The following SCD5 variants were observed in gnomAD, a reference collection of about 807,000 sequenced individuals.
SCD5 encodes the protein acyl-CoA-desaturase 4.
Under a neutral mutation model 30.4 loss-of-function variants are expected in SCD5, and 20 were observed. The ratio of observed to expected loss-of-function variants is 0.66; its 90% confidence interval spans 0.46 to 0.96. The LOEUF (loss-of-function observed/expected upper bound fraction) is 0.96, where lower values mean the gene tolerates loss of function less well. Ranked by LOEUF, SCD5 falls within the 40% of genes least tolerant of loss-of-function variation. The pLI is 0.00. For synonymous variants in SCD5, 173 were observed against 176.4 expected (o/e 0.98, Z 0.16); for missense variants, 381 against 443.3 (o/e 0.86, Z 1.26).
chr4:82,665,038 A>ACG (rs1358154697), intron 3 of SCD5, among the ~76,000 whole-genome samples: 1 of 15,098 alleles, frequency 6.6e-5, no homozygotes, highest in Non-Finnish European at 1.0e-4. Context: ...ACACACACAC[A>ACG]CACACACATA....
chr4:82,644,542 G>A (rs1408630460), intron 3 of SCD5, among the ~76,000 whole-genome samples: 1 of 152,166 alleles, frequency 6.6e-6, no homozygotes, highest in East Asian at 1.9e-4. Context: ...TGATATTTTG[G>A]TTAATAAATG....
At chr4:82,777,957 G>A (rs1055589240) in intron 1 of SCD5, among the ~76,000 whole-genome samples, 9 of 138,932 alleles carry the variant, frequency 6.5e-5, no homozygotes, top group African/African-American at 1.1e-4. Flanking sequence ...GCAAAGTCAT[G>A]GAACCAACCC....
At chr4:82,781,953 T>C (rs1721884362) in intron 1 of SCD5, among the ~76,000 whole-genome samples, 1 of 152,080 alleles carries the variant, frequency 6.6e-6, no homozygotes, top group Admixed American at 6.6e-5. Context: ...ATCACCTATG[T>C]CATGTGGCCA....
chr4:82,635,619 T>TAAA (rs3972726), intron 4 of SCD5, among the ~76,000 whole-genome samples: 4,665 of 114,396 alleles, frequency 0.041, 397 homozygotes, highest in African/African-American at 0.13. Context: ...GACTCCGTCT[T>TAAA]AAAAAAAAAA....
At chr4:82,777,793 G>C (rs976006944) in intron 1 of SCD5, among the ~76,000 whole-genome samples, 1 of 151,966 alleles carries the variant, frequency 6.6e-6, no homozygotes, top group Non-Finnish European at 1.5e-5. Context: ...ATGTTTTCTC[G>C]GCCAGTGTTT....
At chr4:82,797,155 C>A (rs1722242408) in intron 1 of SCD5, among the ~76,000 whole-genome samples, 1 of 152,198 alleles carries the variant, frequency 6.6e-6, no homozygotes, top group African/African-American at 2.4e-5. Context: ...TAGGCATTTG[C>A]AGCTGGCACC....
chr4:82,693,486 TC>T (rs1189258836), intron 2 of SCD5, among the ~76,000 whole-genome samples: 2 of 152,198 alleles, frequency 1.3e-5, no homozygotes, highest in Non-Finnish European at 2.9e-5. Flanking sequence ...GAACTGGTCT[TC>T]CTGATTCAAT....
In SCD5 at chr4:82,680,741, G is replaced by C. The variant is rs1268914775; in HGVS notation, c.535C>G (p.Leu179Val). 2 of 1,613,978 alleles carry C rather than the reference G, an allele frequency of 1.2e-6. No individual in the cohort carries two copies. The highest frequency in any genetic ancestry group is 1.3e-5 in the African/African-American group (1 of 74,878). Residue 179 changes from leucine to valine, a missense_variant, in exon 3 of 5, where the codon CTG becomes GTG. Leu to Val is a conservative substitution (Grantham distance 32). Coordinates refer to ENST00000319540, the MANE Select transcript of SCD5 (RefSeq NM_001037582.3). Reference sequence around the variant, plus strand: ...ATCCGGACCACAGGATCAGCAAGCAGGTCAGTGACGTCAAGCTTTCTCCCC... The same window carrying C: ...ATCCGGACCACAGGATCAGCAAGCACGTCAGTGACGTCAAGCTTTCTCCCC... ...EKGRKLDVTD[L>V]LADPVVRIQR...
intron 1 of SCD5, among the ~76,000 whole-genome samples, chr4:82,760,785 G>C (rs13126374): frequency 0.11 from 17,173 of 152,094 alleles, 1,079 homozygotes; most frequent in African/African-American, 0.16. Context: ...TGGGGCATAC[G>C]CCACCTTGTA....
intron 1 of SCD5, among the ~76,000 whole-genome samples, chr4:82,777,323 C>T (rs748820031): frequency 2.6e-5 from 4 of 152,240 alleles, no homozygotes; most frequent in African/African-American, 9.6e-5. Context: ...TGTGTTTTCT[C>T]GCCAAGAATT....
intron 1 of SCD5, among the ~76,000 whole-genome samples, chr4:82,790,365 C>G (rs983322167): frequency 6.6e-6 from 1 of 152,212 alleles, no homozygotes; most frequent in African/African-American, 2.4e-5. Context: ...ACCTCCAGCA[C>G]GTCTCCCTCT....
chr4:82,741,858 G>GT (rs1298599384), intron 1 of SCD5, among the ~76,000 whole-genome samples: 1 of 145,458 alleles, frequency 6.9e-6, no homozygotes, highest in African/African-American at 2.5e-5. Context: ...GTGGGCGGGG[G>GT]GGGGGAGTGG....
At chr4:82,771,156 A>C (rs1240735909) in intron 1 of SCD5, among the ~76,000 whole-genome samples, 2 of 151,884 alleles carry the variant, frequency 1.3e-5, no homozygotes, top group Admixed American at 1.3e-4. Context: ...TTTTGTAGAG[A>C]CTAGGTTTTG....
intron 1 of SCD5, among the ~76,000 whole-genome samples, chr4:82,729,555 A>C (rs1422352292): frequency 6.6e-6 from 1 of 152,132 alleles, no homozygotes; most frequent in Non-Finnish European, 1.5e-5. Flanking sequence ...AATAGTAAAT[A>C]TTTTTTGAAT....
At chr4:82,681,383 A>ACTG (rs1372047201) in intron 2 of SCD5, among the ~76,000 whole-genome samples, 2 of 152,216 alleles carry the variant, frequency 1.3e-5, no homozygotes, top group African/African-American at 4.8e-5. Flanking sequence ...CAGTGAACAT[A>ACTG]CATGTGCCTG....
chr4:82,793,223 G>A (rs1413618479), intron 1 of SCD5, among the ~76,000 whole-genome samples: 1 of 152,184 alleles, frequency 6.6e-6, no homozygotes, highest in Non-Finnish European at 1.5e-5. Context: ...GAGGGAGGGA[G>A]AAAAGTCAAA....
intron 1 of SCD5, among the ~76,000 whole-genome samples, chr4:82,731,904 G>C (rs1427254016): frequency 6.6e-6 from 1 of 152,138 alleles, no homozygotes; most frequent in Admixed American, 6.6e-5. Flanking sequence ...TTTACTTTGT[G>C]AAAGGCAAGC....
At chr4:82,735,712 A>T (rs544965081) in intron 1 of SCD5, among the ~76,000 whole-genome samples, 4 of 152,074 alleles carry the variant, frequency 2.6e-5, no homozygotes, top group Non-Finnish European at 5.9e-5. Flanking sequence ...AAATTATCTT[A>T]CTTGTTTTTA....
At chr4:82,791,661 T>C (rs1306104681) in intron 1 of SCD5, among the ~76,000 whole-genome samples, 1 of 152,242 alleles carries the variant, frequency 6.6e-6, no homozygotes, top group Non-Finnish European at 1.5e-5. Flanking sequence ...ATGCTGGTTG[T>C]ACTCTTGTTA....
Sources: gnomAD v4.1 joint callset for allele counts (sites outside exome capture counted in the v4.1 genomes callset) on GRCh38, gnomAD v4.1.1 for gene constraint, MANE v1.5 for transcripts, NCBI Gene and HGNC (gene_info 2026-07-23, HGNC 2026-07-21) for gene names.